DOCK2: variants seen among roughly 807,000 people sequenced by gnomAD.
The protein encoded by DOCK2 is dedicator of cytokinesis protein 2.
Under a neutral mutation model 248.9 loss-of-function variants are expected in DOCK2, and 87 were observed. The ratio of observed to expected loss-of-function variants is 0.35; its 90% CI spans 0.29 to 0.42. The LOEUF is 0.42. DOCK2 is among the 10% of genes least tolerant of loss of function. DOCK2 has a pLI of 1.00. For synonymous variants in DOCK2, 805 were observed against 821.6 expected, an observed-to-expected ratio of 0.98 and a Z score of 0.35; for missense variants, 1,747 against 2,300.2, an observed-to-expected ratio of 0.76 and a Z score of 4.92.
chr5:169,674,266 A>T (rs1430654621), intron 5 of DOCK2, 31 bp from the exon 6 acceptor site: 2 of 1,611,772 alleles, frequency 1.2e-6, no homozygotes, highest in South Asian at 2.2e-5. Flanking sequence ...CCTTTAACAC[A>T]GGTAATTATG....
chr5:169,690,971 A>C (rs951918381), intron 9 of DOCK2, among the ~76,000 whole-genome samples: 1 of 152,188 alleles, frequency 6.6e-6, no homozygotes, highest in Non-Finnish European at 1.5e-5. Flanking sequence ...TTGCATGGCT[A>C]TAAAGAAATC....
At chr5:169,999,016 G>A (rs1272814467) in intron 30 of DOCK2, among the ~76,000 whole-genome samples, 2 of 152,178 alleles carry the variant, frequency 1.3e-5, no homozygotes, top group African/African-American at 4.8e-5. Flanking sequence ...ATAACTGCGA[G>A]CTAGTTTGTT....
chr5:169,793,167 T>A (rs1036742336), intron 25 of DOCK2, among the ~76,000 whole-genome samples: 1 of 152,214 alleles, frequency 6.6e-6, no homozygotes, highest in African/African-American at 2.4e-5. Context: ...AACCCTAAAA[T>A]GAATCTATTG....
chr5:169,912,882 T>G (rs1444490735), intron 27 of DOCK2, among the ~76,000 whole-genome samples: 1 of 152,166 alleles, frequency 6.6e-6, no homozygotes, highest in Non-Finnish European at 1.5e-5. Flanking sequence ...ATTACTTAAT[T>G]AGCATTTATT....
chr5:169,747,289 T>C (rs1302768745), intron 22 of DOCK2, 107 bp from the exon 23 acceptor site: 1 of 958,404 alleles, frequency 1.0e-6, no homozygotes, highest in Non-Finnish European at 1.5e-6. Context: ...AGTCCCCACC[T>C]CCCACTCCTT....
intron 25 of DOCK2, among the ~76,000 whole-genome samples, chr5:169,765,091 C>CAT (rs1764698697): frequency 6.6e-6 from 1 of 151,846 alleles, no homozygotes; most frequent in East Asian, 1.9e-4. Context: ...CACACACACA[C>CAT]ACACACACAC....
At chr5:169,874,410 C>CAAAAAA (rs34525811) in intron 27 of DOCK2, among the ~76,000 whole-genome samples, 2 of 72,024 alleles carry the variant, frequency 2.8e-5, no homozygotes, top group Non-Finnish European at 5.0e-5. Context: ...GACTCTGTCT[C>CAAAAAA]AAAAAAAAAA....
intron 27 of DOCK2, among the ~76,000 whole-genome samples, chr5:169,901,200 T>C (rs1773903107): frequency 6.6e-6 from 1 of 151,964 alleles, no homozygotes; most frequent in Admixed American, 6.6e-5. Flanking sequence ...GAAAAGAGGG[T>C]GTCCAGGCAA....
rs145262338 is a variant in DOCK2 at position 170,042,077 on chromosome 5, G to A, written c.3821G>A (p.Arg1274Gln). 6.2e-6 allele frequency: 10 copies of A among 1,613,404 alleles called. No individual in the cohort carries two copies. Among genetic ancestry groups the A allele is most frequent in the South Asian group, 2.2e-5 (2 of 91,046 alleles). The change falls in exon 38 of 52, where the codon CGG becomes CAG. Residue 1274 changes from arginine (R) to glutamine (Q), a missense_variant. Around this residue, in one of 4 missense-constraint regions of DOCK2, gnomAD observed 858 missense variants for 1,183.5 expected, o/e 0.72. Transcript: ENST00000520908. Reference sequence around the variant, plus strand: ...GGCCAGCAGCACCCCCAGACACACCGGCAGCTGAAGGAGACGCTCTACGAG... The same window carrying A: ...GGCCAGCAGCACCCCCAGACACACCAGCAGCTGAAGGAGACGCTCTACGAG... ...QTGQQHPQTH[R>Q]QLKETLYETI...
intron 2 of DOCK2, among the ~76,000 whole-genome samples, chr5:169,660,044 G>A: frequency 6.6e-6 from 1 of 152,146 alleles, no homozygotes; most frequent in East Asian, 1.9e-4. Flanking sequence ...CTTCTCTACT[G>A]AAATAAGCCC....
chr5:169,918,742 G>A (rs1193980039), intron 27 of DOCK2, among the ~76,000 whole-genome samples: 1 of 152,026 alleles, frequency 6.6e-6, no homozygotes, highest in African/African-American at 2.4e-5. Flanking sequence ...GTGAAACCCC[G>A]TCTCTACTAA....
In DOCK2 at chr5:169,699,391, T is replaced by C. The variant is rs918791278; in HGVS notation, c.1065T>C (p.Ala355=). 5 of 1,613,336 alleles carry C rather than the reference T, an allele frequency of 3.1e-6. No homozygotes were observed. Among genetic ancestry groups the C allele is most frequent in the Non-Finnish European group, 4.2e-6 (5 of 1,179,568 alleles). Residue 355 remains alanine (A), a synonymous_variant, in exon 12 of 52, where the codon GCT becomes GCC. Transcript: ENST00000520908. ...CTCTTTTCCTTTCCAGGGTTACAGC[T>C]GAGAATGACTTCCTACACAGCCTGC... ...QHFIPFHPVT[A]ENDFLHSLLG... is the part of the protein sequence containing the mutation.
At chr5:169,641,560 C>T (rs1757153734) in intron 1 of DOCK2, among the ~76,000 whole-genome samples, 1 of 152,126 alleles carries the variant, frequency 6.6e-6, no homozygotes, top group African/African-American at 2.4e-5. Flanking sequence ...TGTGGGAGAG[C>T]AGGGAGAAGT....
At chr5:169,909,493 A>G (rs941206978) in intron 27 of DOCK2, among the ~76,000 whole-genome samples, 1 of 152,228 alleles carries the variant, frequency 6.6e-6, no homozygotes, top group Non-Finnish European at 1.5e-5. Flanking sequence ...TTCACACTCC[A>G]TCAGGTACCA....
At chr5:169,898,996 A>G (rs1285199682) in intron 27 of DOCK2, among the ~76,000 whole-genome samples, 1 of 152,200 alleles carries the variant, frequency 6.6e-6, no homozygotes, top group Non-Finnish European at 1.5e-5. Context: ...GAAGTAGAAC[A>G]GGTCTGGTTT....
At chr5:169,999,653 T>C (rs1216555363) in intron 30 of DOCK2, among the ~76,000 whole-genome samples, 1 of 152,218 alleles carries the variant, frequency 6.6e-6, no homozygotes, top group Non-Finnish European at 1.5e-5. Flanking sequence ...AGCTATTTAT[T>C]GAAAAGTACC....
rs913416087 is a variant in DOCK2 at position 169,715,616 on chromosome 5, TTTG to T, written c.1942-594_1942-592del. ...TTTTCTTTTTTTTTTTTTAAAAAAG[TTTG>T]TTATTTAAATATGATATACATATGA... On this transcript the variant is annotated intron_variant, in intron 19 of 51. Transcript: ENST00000520908. Among the ~76,000 whole-genome samples the T allele has an allele frequency of 2.5e-4, 38 of 151,630 alleles. No homozygotes were observed. The East Asian group carries it at 6.0e-3, about 24-fold the overall frequency.
At chr5:169,708,933 G>T (rs1761431445) in intron 15 of DOCK2, among the ~76,000 whole-genome samples, 1 of 152,152 alleles carries the variant, frequency 6.6e-6, no homozygotes, top group Non-Finnish European at 1.5e-5. Flanking sequence ...AGAGAGTCTG[G>T]GTTCGTATTC....
At chr5:169,698,319 C>G in intron 10 of DOCK2, 55 bp from the exon 11 acceptor site, 1 of 1,567,440 alleles carries the variant, frequency 6.4e-7, no homozygotes. Flanking sequence ...CCACTGTCAT[C>G]CCTTATGGGA....
Sources: gnomAD v4.1 joint callset for allele counts (sites outside exome capture counted in the v4.1 genomes callset) on GRCh38, gnomAD v4.1.1 for gene constraint, gnomAD v4.1.1 regional missense constraint, MANE v1.5 for transcripts, NCBI Gene and HGNC (gene_info 2026-07-23, HGNC 2026-07-21) for gene names.